Variants in GALNT14 observed in about 807,000 individuals in gnomAD.
The protein encoded by GALNT14 is UDP-GalNAc:polypeptide N-acetylgalactosaminyltransferase 14.
In GALNT14, 60 loss-of-function variants were observed where a neutral mutation model predicts 77.5. The ratio of observed to expected loss-of-function variants is 0.77; its 90% CI spans 0.63 to 0.96. The LOEUF is 0.96. Among genes scored for constraint, GALNT14 ranks in the 40% least tolerant of loss-of-function variants. The pLI is 0.00. For synonymous variants in GALNT14, 280 were observed against 281.7 expected (o/e 0.99, Z 0.06); for missense variants, 710 against 731.0 (o/e 0.97, Z 0.33).
intron 1 of GALNT14, among the ~76,000 whole-genome samples, chr2:31,003,706 G>T (rs1323289258): frequency 6.6e-6 from 1 of 152,154 alleles, no homozygotes; most frequent in Non-Finnish European, 1.5e-5. Context: ...AAGAAGAAAA[G>T]TTCCAATAAT....
the GALNT14 span, among the ~76,000 whole-genome samples, chr2:30,891,767 G>A: frequency 6.6e-6 from 1 of 152,114 alleles, no homozygotes; most frequent in Non-Finnish European, 1.5e-5. Flanking sequence ...CATTATGAGA[G>A]AAGTCTCAGC....
chr2:31,081,981 T>G (rs1226424049), intron 1 of GALNT14, among the ~76,000 whole-genome samples: 1 of 152,232 alleles, frequency 6.6e-6, no homozygotes, highest in Non-Finnish European at 1.5e-5. Flanking sequence ...TTCCTAGTTA[T>G]AGGACACTCA....
At chr2:30,897,904 T>G in the GALNT14 span, among the ~76,000 whole-genome samples, 2 of 152,184 alleles carry the variant, frequency 1.3e-5, no homozygotes, top group East Asian at 3.9e-4. Context: ...GGTCTGAGTC[T>G]TCTCCAGGAC....
intron 13 of GALNT14, among the ~76,000 whole-genome samples, chr2:30,913,925 A>G (rs1180470459): frequency 1.3e-5 from 2 of 152,216 alleles, no homozygotes. Flanking sequence ...CATGAGATAC[A>G]TTCCTTGGGA....
chr2:30,922,101 C>T (rs753951153), intron 13 of GALNT14, among the ~76,000 whole-genome samples: 3 of 152,154 alleles, frequency 2.0e-5, no homozygotes, highest in Non-Finnish European at 2.9e-5. Context: ...AAGGGGGTCA[C>T]ATGGAGAGAG....
intron 1 of GALNT14, among the ~76,000 whole-genome samples, chr2:31,029,800 C>G (rs144528729): frequency 6.6e-5 from 10 of 152,332 alleles, no homozygotes; most frequent in African/African-American, 2.4e-4. Flanking sequence ...AAAGCGGCAA[C>G]TTCTATCTTG....
At chr2:30,988,460 G>A (rs541310472) in intron 2 of GALNT14, among the ~76,000 whole-genome samples, 36 of 152,350 alleles carry the variant, frequency 2.4e-4, no homozygotes, top group Non-Finnish European at 1.0e-4. Context: ...CATGGAGCCT[G>A]TGAATGAAGA....
chr2:31,029,998 C>A (rs977263931), intron 1 of GALNT14, among the ~76,000 whole-genome samples: 1 of 152,340 alleles, frequency 6.6e-6, no homozygotes, highest in South Asian at 2.1e-4. Flanking sequence ...TGCGCAGGCA[C>A]AGAACATCAT....
chr2:31,085,968 TATC>T (rs1392007761), intron 1 of GALNT14, among the ~76,000 whole-genome samples: 1 of 152,152 alleles, frequency 6.6e-6, no homozygotes, highest in Non-Finnish European at 1.5e-5. Context: ...AACTGCCCCT[TATC>T]ATACCATCAG....
chr2:31,020,670 G>A (rs1671661021), intron 1 of GALNT14, among the ~76,000 whole-genome samples: 1 of 152,192 alleles, frequency 6.6e-6, no homozygotes, highest in African/African-American at 2.4e-5. Context: ...GAGGGAAGGT[G>A]TGTTGCTGGT....
At chr2:30,956,428 T>C (rs1169813189) in intron 4 of GALNT14, among the ~76,000 whole-genome samples, 1 of 152,244 alleles carries the variant, frequency 6.6e-6, no homozygotes, top group Non-Finnish European at 1.5e-5. Context: ...AGGCATGCAA[T>C]GTGTAATAAT....
intron 1 of GALNT14, among the ~76,000 whole-genome samples, chr2:31,105,775 G>A (rs1677524892): frequency 1.3e-5 from 2 of 151,914 alleles, no homozygotes; most frequent in Non-Finnish European, 2.9e-5. Flanking sequence ...TACTCACCAT[G>A]CACTCATTGC....
At chr2:31,001,337 A>G (rs547887774) in intron 1 of GALNT14, among the ~76,000 whole-genome samples, 7 of 152,212 alleles carry the variant, frequency 4.6e-5, no homozygotes, top group Non-Finnish European at 1.0e-4. Context: ...GAAGCCAGGA[A>G]AAAAATACAG....
intron 3 of GALNT14, among the ~76,000 whole-genome samples, chr2:30,963,116 C>T (rs1667791793): frequency 6.6e-6 from 1 of 152,064 alleles, no homozygotes; most frequent in South Asian, 2.1e-4. Context: ...TCTGAAGTTC[C>T]TAGGAGGCAG....
At chr2:31,134,236 C>T (rs1402781126) in intron 1 of GALNT14, among the ~76,000 whole-genome samples, 1 of 152,252 alleles carries the variant, frequency 6.6e-6, no homozygotes, top group African/African-American at 2.4e-5. Flanking sequence ...TCTCCAATCT[C>T]TACACCTTTC....
At chr2:30,972,317 T>C (rs1260103742) in intron 2 of GALNT14, among the ~76,000 whole-genome samples, 1 of 152,122 alleles carries the variant, frequency 6.6e-6, no homozygotes, top group Non-Finnish European at 1.5e-5. Context: ...GTCAGGCAAC[T>C]ACACAGCACA....
chr2:30,980,412 A>T (rs1668915885), intron 2 of GALNT14, among the ~76,000 whole-genome samples: 1 of 152,234 alleles, frequency 6.6e-6, no homozygotes, highest in Non-Finnish European at 1.5e-5. Flanking sequence ...TCCTGATGCC[A>T]GTACTAACTT....
At chr2:31,036,339 TA>T (rs1156556018) in intron 1 of GALNT14, among the ~76,000 whole-genome samples, 1 of 152,210 alleles carries the variant, frequency 6.6e-6, no homozygotes, top group African/African-American at 2.4e-5. Flanking sequence ...CACCTTAATT[TA>T]AAACAGTATA....
At chr2:30,932,545 G>C (rs1171034820) in intron 9 of GALNT14, among the ~76,000 whole-genome samples, 2 of 152,252 alleles carry the variant, frequency 1.3e-5, no homozygotes, top group Non-Finnish European at 2.9e-5. Context: ...ACTTGCGGAA[G>C]AATTCATTGT....
Sources: allele counts gnomAD v4.1 joint callset (sites outside exome capture counted in the v4.1 genomes callset), GRCh38; gene constraint gnomAD v4.1.1; transcripts MANE v1.5; gene names NCBI Gene and HGNC (gene_info 2026-07-23, HGNC 2026-07-21).